RGS6: variants seen among roughly 807,000 people sequenced by gnomAD.
RGS6 encodes regulator of G-protein signaling 6.
In RGS6, 30 loss-of-function variants were observed where a neutral mutation model predicts 78.5. The ratio of observed to expected loss-of-function variants is 0.38; its 90% CI spans 0.29 to 0.52. RGS6 has a LOEUF of 0.52. Ranked by LOEUF, RGS6 falls within the 20% of genes least tolerant of loss-of-function variation. The pLI is 0.85. For missense variants in RGS6, 495 were observed against 609.7 expected (o/e 0.81, Z 1.98); for synonymous variants, 206 against 206.0 (o/e 1.00, Z 0.00).
intron 2 of RGS6, among the ~76,000 whole-genome samples, chr14:72,145,131 T>A (rs896435931): frequency 6.6e-6 from 1 of 152,096 alleles, no homozygotes; most frequent in Non-Finnish European, 1.5e-5. Context: ...GTCTGCAAAA[T>A]ATCTCAAGAA....
intron 6 of RGS6, among the ~76,000 whole-genome samples, chr14:72,465,231 C>T (rs889915520): frequency 3.3e-5 from 5 of 152,140 alleles, no homozygotes; most frequent in Admixed American, 3.3e-4. Context: ...CGAGCCCAAC[C>T]TTACTTCTGA....
chr14:72,037,628 G>A (rs1174280850), intron 2 of RGS6, among the ~76,000 whole-genome samples: 3 of 152,164 alleles, frequency 2.0e-5, no homozygotes, highest in Non-Finnish European at 2.9e-5. Flanking sequence ...TTCAAACACC[G>A]TTTATTCAGA....
At chr14:72,609,729 T>G in the RGS6 span, among the ~76,000 whole-genome samples, 1 of 152,048 alleles carries the variant, frequency 6.6e-6, no homozygotes, top group South Asian at 2.1e-4. Context: ...AGGTGGGAGC[T>G]TTTTGTTTGT....
chr14:72,361,426 C>G (rs2081434819), intron 3 of RGS6, among the ~76,000 whole-genome samples: 1 of 152,044 alleles, frequency 6.6e-6, no homozygotes, highest in Non-Finnish European at 1.5e-5. Context: ...AATTGTAAGT[C>G]AAGTGGCAAA....
chr14:72,335,844 A>G (rs1426455120), intron 2 of RGS6, among the ~76,000 whole-genome samples: 1 of 152,180 alleles, frequency 6.6e-6, no homozygotes, highest in Non-Finnish European at 1.5e-5. Flanking sequence ...CGGGAAGAAG[A>G]TCTAATCACT....
the RGS6 span, among the ~76,000 whole-genome samples, chr14:71,894,641 C>A: frequency 6.6e-6 from 1 of 152,230 alleles, no homozygotes; most frequent in African/African-American, 2.4e-5. Context: ...GATCCCCTTT[C>A]CTGTGACAAG....
intron 1 of RGS6, among the ~76,000 whole-genome samples, chr14:71,953,979 T>TG (rs2092584387): frequency 6.8e-6 from 1 of 148,036 alleles, no homozygotes; most frequent in Non-Finnish European, 1.5e-5. Context: ...GTTTTTTTTT[T>TG]TTTTTTTTTC....
At chr14:72,330,274 C>T (rs2074709095) in intron 2 of RGS6, among the ~76,000 whole-genome samples, 1 of 152,206 alleles carries the variant, frequency 6.6e-6, no homozygotes, top group African/African-American at 2.4e-5. Context: ...ACACACAAGC[C>T]GGTGATATCA....
intron 2 of RGS6, among the ~76,000 whole-genome samples, chr14:71,968,408 TGA>T (rs997432269): frequency 6.6e-6 from 1 of 152,224 alleles, no homozygotes; most frequent in Admixed American, 6.5e-5. Flanking sequence ...TGCAAAGTAA[TGA>T]GAGAGTTGGT....
the RGS6 span, among the ~76,000 whole-genome samples, chr14:71,881,687 CT>C: frequency 6.6e-6 from 1 of 152,154 alleles, no homozygotes; most frequent in Non-Finnish European, 1.5e-5. Context: ...AACTCTTTTT[CT>C]TTATAAATTA....
the RGS6 span, among the ~76,000 whole-genome samples, chr14:71,874,653 G>T: frequency 1.3e-5 from 2 of 152,198 alleles, no homozygotes; most frequent in Non-Finnish European, 2.9e-5. Flanking sequence ...CTGCCTGATT[G>T]CCCTGGCTAG....
At position 72,433,103 on chromosome 14, in the gene RGS6, G is replaced by T. The variant is rs1220211655; in HGVS notation, c.185-21425G>T. ...TTGACTGGCAAGAGGTGTTTAGAAT[G>T]TTGAGACACGGTCAGAAATGATTGG... On this transcript the variant is annotated intron_variant, in intron 3 of 17. Coordinates refer to ENST00000553525, the MANE Select transcript of RGS6 (RefSeq NM_001204424.2). Among the ~76,000 whole-genome samples the T allele has an allele frequency of 2.0e-5, 3 of 152,204 alleles. No homozygotes were observed. In the East Asian group the frequency reaches 5.8e-4, roughly 29 times the overall value.
At chr14:72,537,634 GC>G in intron 16 of RGS6, 1 of 678,858 alleles carries the variant, frequency 1.5e-6, no homozygotes, top group East Asian at 2.7e-5. Context: ...TGGCTCTAAT[GC>G]CCATTTTTTC....
intron 13 of RGS6, among the ~76,000 whole-genome samples, chr14:72,497,230 ATT>A (rs926348017): frequency 2.0e-5 from 3 of 152,176 alleles, no homozygotes; most frequent in African/African-American, 7.2e-5. Context: ...ATTTCCCCAC[ATT>A]CTTACCATCC....
chr14:71,876,906 A>G, the RGS6 span, among the ~76,000 whole-genome samples: 1 of 152,072 alleles, frequency 6.6e-6, no homozygotes, highest in African/African-American at 2.4e-5. Flanking sequence ...GCTTGTCTGT[A>G]AAGGATTTTA....
Position 71,988,128 on chromosome 14 carries a change from C to T in RGS6, c.84+23253C>T, listed in dbSNP as rs555066440. 1.3e-4 allele frequency among the ~76,000 whole-genome samples: 20 copies of T among 152,162 alleles called. No homozygotes were observed. The East Asian group carries it at 3.9e-3, about 29-fold the overall frequency. ...TGCCAGGGAAGAGTCTGACCCTGGG[C>T]GCTAATGTGACTCAAGGTAGATGAG... On this transcript the variant is annotated intron_variant, in intron 2 of 17. Transcript: ENST00000553525.
chr14:72,325,345 C>G (rs1262300019), intron 2 of RGS6, among the ~76,000 whole-genome samples: 1 of 152,166 alleles, frequency 6.6e-6, no homozygotes, highest in Non-Finnish European at 1.5e-5. Context: ...TGTGCAGAAG[C>G]TCTTTAGTTT....
intron 3 of RGS6, among the ~76,000 whole-genome samples, chr14:72,426,070 G>C (rs1043068454): frequency 6.6e-6 from 1 of 152,092 alleles, no homozygotes; most frequent in Non-Finnish European, 1.5e-5. Flanking sequence ...ACTCATAGCT[G>C]CTTAGATGAT....
intron 2 of RGS6, among the ~76,000 whole-genome samples, chr14:72,026,048 A>C: frequency 6.6e-6 from 1 of 152,166 alleles, no homozygotes; most frequent in East Asian, 1.9e-4. Context: ...TCGAATAAAA[A>C]GTTCCCTCAA....
Sources: gnomAD v4.1 joint callset for allele counts (sites outside exome capture counted in the v4.1 genomes callset) on GRCh38, gnomAD v4.1.1 for gene constraint, MANE v1.5 for transcripts, NCBI Gene and HGNC (gene_info 2026-07-23, HGNC 2026-07-21) for gene names.